The following PCDHGA6 variants were observed in gnomAD, a reference collection of about 807,000 sequenced individuals.
PCDHGA6 encodes protocadherin gamma subfamily A, 6.
PCDHGA6 carries 41 observed loss-of-function variants against 60.6 expected under a neutral mutation model. That is an observed-to-expected ratio of 0.68 (90% CI 0.53 to 0.88). PCDHGA6 has a LOEUF of 0.88. Ranked by LOEUF, PCDHGA6 falls within the 40% of genes least tolerant of loss-of-function variation. The pLI, the probability that PCDHGA6 is intolerant of heterozygous loss-of-function variation, is 0.00. For missense variants in PCDHGA6, 1,312 were observed against 1,203.0 expected, an observed-to-expected ratio of 1.09 and a Z score of -1.34; for synonymous variants, 594 against 524.4, an observed-to-expected ratio of 1.13 and a Z score of -1.81.
intron 1 of PCDHGA6, among the ~76,000 whole-genome samples, chr5:141,484,160 T>C (rs1451052819): frequency 2.6e-5 from 4 of 152,210 alleles, no homozygotes; most frequent in African/African-American, 7.2e-5. Flanking sequence ...CACAATGCTG[T>C]TGGTAGCTGA....
At chr5:141,409,741 G>A in intron 1 of PCDHGA6, 2 of 1,613,122 alleles carry the variant, frequency 1.2e-6, no homozygotes, top group Non-Finnish European at 1.7e-6. Context: ...AGAGCGGGGT[G>A]GTGTTCGCGC....
At chr5:141,392,776 C>T in intron 1 of PCDHGA6, 1 of 1,526,772 alleles carries the variant, frequency 6.5e-7, no homozygotes, top group African/African-American at 1.4e-5. Flanking sequence ...CATTTATGCA[C>T]AGTGAAGATT....
Position 141,375,512 on chromosome 5 carries a change from C to T in PCDHGA6, c.1429C>T (p.Leu477=), listed in dbSNP as rs1300082311. ...TGCCTCCATCTTCTCTGTGAATGCA[C>T]TGGACCCTGACGTGGACCAGAACGC... ...RGASIFSVNA[L]DPDVDQNAQV... The change falls in exon 1 of 4, where the codon CTG becomes TTG. Residue 477 remains leucine, a synonymous_variant. Coordinates refer to ENST00000517434, the MANE Select transcript of PCDHGA6 (RefSeq NM_018919.3). 1.3e-5 allele frequency: 21 copies of T among 1,613,936 alleles called. No individual in the cohort carries two copies. Among genetic ancestry groups the T allele is most frequent in the Non-Finnish European group, 1.7e-5 (20 of 1,179,946 alleles).
intron 1 of PCDHGA6, among the ~76,000 whole-genome samples, chr5:141,480,672 T>A (rs1053078255): frequency 2.0e-5 from 3 of 152,166 alleles, no homozygotes; most frequent in African/African-American, 7.2e-5. Context: ...CCTAGAGACC[T>A]TTTAAAAATT....
chr5:141,384,595 G>A, intron 1 of PCDHGA6: 1 of 1,614,198 alleles, frequency 6.2e-7, no homozygotes, highest in Non-Finnish European at 8.5e-7. Flanking sequence ...CCTGTACCCG[G>A]CCCTCCCCAC....
rs752145084 is a variant in PCDHGA6 at position 141,489,550 on chromosome 5, C to T, written c.2425-5257C>T. On this transcript the variant is annotated intron_variant, in intron 1 of 3. Coordinates refer to ENST00000517434, the MANE Select transcript of PCDHGA6 (RefSeq NM_018919.3). This position sits in a 1 kb window ranked among gnomAD's most constrained non-coding sequence, Gnocchi z 4.5. ...ATGTGGAGCCAGCACCAGCTGCCTGCTGCCAGTGCAGGTGGTGACTGAACA... is the reference window on the plus strand; with the variant it reads ...ATGTGGAGCCAGCACCAGCTGCCTGTTGCCAGTGCAGGTGGTGACTGAACA... The T allele has an allele frequency of 1.2e-6, 2 of 1,614,132 alleles. No homozygotes were observed. The highest frequency in any genetic ancestry group is 1.7e-5 in the Admixed American group (1 of 60,030).
chr5:141,408,855 G>T, intron 1 of PCDHGA6: 1 of 1,613,572 alleles, frequency 6.2e-7, no homozygotes, highest in Non-Finnish European at 8.5e-7. Context: ...TTGGACGGAG[G>T]GGACCCACCA....
intron 1 of PCDHGA6, chr5:141,410,703 C>G (rs763776263): frequency 1.1e-5 from 16 of 1,467,494 alleles, no homozygotes; most frequent in Non-Finnish European, 9.1e-7. Flanking sequence ...ATTTTCATAT[C>G]TAGAATCATA....
Position 141,431,535 on chromosome 5 carries a change from C to T in PCDHGA6, c.2424+55028C>T. On this transcript the variant is annotated intron_variant, in intron 1 of 3. Coordinates refer to ENST00000517434, the MANE Select transcript of PCDHGA6 (RefSeq NM_018919.3). This position sits in a 1 kb window ranked among gnomAD's most constrained non-coding sequence, Gnocchi z 4.8. ...GTTCCGGAGAATCTGGCCTTGGGCA[C>T]GCAGCTGCTTGTAGTCAACGCTACC... is the stretch of plus-strand genomic sequence containing the variant. 3 of 1,614,076 alleles carry T rather than the reference C, an allele frequency of 1.9e-6. No individual in the cohort carries two copies. Among genetic ancestry groups the T allele is most frequent in the Non-Finnish European group, 2.5e-6 (3 of 1,180,038 alleles).
At chr5:141,461,821 T>A (rs569091880) in intron 1 of PCDHGA6, among the ~76,000 whole-genome samples, 1 of 151,286 alleles carries the variant, frequency 6.6e-6, no homozygotes, top group South Asian at 2.1e-4. Context: ...ACCCAGCTAA[T>A]TTTTTTTTCT....
chr5:141,383,083 C>G, intron 1 of PCDHGA6: 1 of 1,613,852 alleles, frequency 6.2e-7, no homozygotes. Flanking sequence ...GCTGGCGGAG[C>G]GCGGAGTCCG....
At chr5:141,494,250 G>C (rs908660385) in intron 1 of PCDHGA6, among the ~76,000 whole-genome samples, 3 of 152,182 alleles carry the variant, frequency 2.0e-5, no homozygotes, top group African/African-American at 7.2e-5. Flanking sequence ...TTTAGCTGTG[G>C]GAAGAGATTC....
chr5:141,423,170 A>T (rs755141371), intron 1 of PCDHGA6: 1 of 1,613,504 alleles, frequency 6.2e-7, no homozygotes, highest in South Asian at 1.1e-5. Flanking sequence ...GTGGCCGTCC[A>T]GGACCACGGC....
At chr5:141,398,759 T>A (rs1313274991) in intron 1 of PCDHGA6, 2 of 1,613,904 alleles carry the variant, frequency 1.2e-6, no homozygotes, top group Non-Finnish European at 1.7e-6. Context: ...CATCGTTTAG[T>A]CCTGACTGCC....
intron 3 of PCDHGA6, among the ~76,000 whole-genome samples, chr5:141,509,801 T>C (rs556629445): frequency 2.6e-5 from 4 of 152,140 alleles, no homozygotes; most frequent in South Asian, 2.1e-4. Flanking sequence ...CTCAGCTTCA[T>C]AGAGCCGAGC....
intron 1 of PCDHGA6, chr5:141,403,028 G>A (rs1396801327): frequency 6.2e-7 from 1 of 1,614,074 alleles, no homozygotes; most frequent in Admixed American, 1.7e-5. Context: ...GCTATGGGAG[G>A]CCAGGGCCAG....
intron 1 of PCDHGA6, chr5:141,399,398 G>A (rs1374441258): frequency 6.2e-7 from 1 of 1,613,972 alleles, no homozygotes; most frequent in Non-Finnish European, 8.5e-7. Flanking sequence ...ACAGACAGGG[G>A]CAAGCCGCCC....
Position 141,486,314 on chromosome 5 carries a change from T to C in PCDHGA6, c.2425-8493T>C, listed in dbSNP as rs775833520. The C allele has an allele frequency of 4.5e-5, 72 of 1,613,758 alleles. No homozygotes were observed. The highest frequency in any genetic ancestry group is 5.9e-5 in the Non-Finnish European group (70 of 1,179,984). On this transcript the variant is annotated intron_variant, in intron 1 of 3. Transcript: ENST00000517434. This position sits in a 1 kb window ranked among gnomAD's most constrained non-coding sequence, Gnocchi z 5.0. ...CAGTGTGCAGGATCCAGACTCAGGG[T>C]CAAACGGAGATGTGAGCCTCCGCAT...
intron 2 of PCDHGA6, among the ~76,000 whole-genome samples, chr5:141,499,496 T>C (rs1167360015): frequency 6.6e-6 from 1 of 152,182 alleles, no homozygotes; most frequent in East Asian, 1.9e-4. Flanking sequence ...CAGTTTAATA[T>C]GAAACATTTC....
Sources: allele counts gnomAD v4.1 joint callset (sites outside exome capture counted in the v4.1 genomes callset), GRCh38; gene constraint gnomAD v4.1.1; non-coding constraint Gnocchi (gnomAD v3.1); transcripts MANE v1.5; gene names NCBI Gene and HGNC (gene_info 2026-07-23, HGNC 2026-07-21).